Variants in CDH10 observed in about 807,000 individuals in gnomAD.
CDH10 encodes the protein cadherin-10.
CDH10 carries 30 observed loss-of-function variants against 73.1 expected under a neutral mutation model. The ratio of observed to expected loss-of-function variants is 0.41; its 90% CI spans 0.31 to 0.56. The LOEUF is 0.56. Ranked by LOEUF, CDH10 falls within the 20% of genes least tolerant of loss-of-function variation. CDH10 has a pLI of 0.27. For synonymous variants in CDH10, 345 were observed against 348.2 expected, an observed-to-expected ratio of 0.99 and a Z score of 0.10; for missense variants, 815 against 973.7, an observed-to-expected ratio of 0.84 and a Z score of 2.17.
At chr5:24,636,608 C>G (rs1747876651) in intron 1 of CDH10, among the ~76,000 whole-genome samples, 2 of 151,906 alleles carry the variant, frequency 1.3e-5, no homozygotes, top group Non-Finnish European at 2.9e-5. Flanking sequence ...GTATACCAAA[C>G]TCCCATAACA....
At chr5:24,503,719 T>A (rs911795733) in intron 8 of CDH10, among the ~76,000 whole-genome samples, 1 of 152,162 alleles carries the variant, frequency 6.6e-6, no homozygotes, top group Admixed American at 6.5e-5. Flanking sequence ...ATGATAACTT[T>A]GGACAAGTTA....
chr5:24,547,584 T>C (rs187126421), intron 2 of CDH10, among the ~76,000 whole-genome samples: 1 of 152,254 alleles, frequency 6.6e-6, no homozygotes, highest in African/African-American at 2.4e-5. Context: ...AAAAGACTTT[T>C]GTTGAATAGA....
chr5:24,556,091 A>G (rs1324744111), intron 2 of CDH10, among the ~76,000 whole-genome samples: 2 of 152,170 alleles, frequency 1.3e-5, no homozygotes. Flanking sequence ...TAAAACAAAA[A>G]TAATGCAAAT....
chr5:24,496,574 A>C (rs1474054019), intron 9 of CDH10, among the ~76,000 whole-genome samples: 1 of 152,162 alleles, frequency 6.6e-6, no homozygotes, highest in Non-Finnish European at 1.5e-5. Flanking sequence ...TTGTCACCTC[A>C]TTTTGTCCAC....
At chr5:24,626,324 T>G (rs1044218352) in intron 1 of CDH10, among the ~76,000 whole-genome samples, 1 of 152,140 alleles carries the variant, frequency 6.6e-6, no homozygotes. Context: ...CACCATTACA[T>G]AATTTGAAGC....
intron 2 of CDH10, among the ~76,000 whole-genome samples, chr5:24,551,161 T>C (rs1229689117): frequency 6.6e-6 from 1 of 152,192 alleles, no homozygotes; most frequent in African/African-American, 2.4e-5. Flanking sequence ...CTGGCCTTTC[T>C]GTTTCTTAAA....
chr5:24,590,092 T>G lies in CDH10; in HGVS notation c.231+3168A>C, dbSNP rs77463472. Among the ~76,000 whole-genome samples the G allele has an allele frequency of 9.2e-3, 1,394 of 152,114 alleles. 25 individuals carry two copies. The highest frequency in any genetic ancestry group is 0.032 in the African/African-American group (1,320 of 41,554). ...GGAAAAAGAAAGCTCTTACACTAAATATATTTTTGTTTAGAATGCATTTAA... is the reference window on the plus strand; with the variant it reads ...GGAAAAAGAAAGCTCTTACACTAAAGATATTTTTGTTTAGAATGCATTTAA... On this transcript the variant is annotated intron_variant, in intron 2 of 11. Coordinates refer to ENST00000264463, the MANE Select transcript of CDH10 (RefSeq NM_006727.5).
At chr5:24,539,995 A>G (rs1744091388) in intron 2 of CDH10, among the ~76,000 whole-genome samples, 1 of 152,036 alleles carries the variant, frequency 6.6e-6, no homozygotes, top group African/African-American at 2.4e-5. Context: ...GTAGACAGTT[A>G]TATTTATTCT....
chr5:24,582,108 T>C (rs1008642889), intron 2 of CDH10, among the ~76,000 whole-genome samples: 2 of 152,132 alleles, frequency 1.3e-5, no homozygotes, highest in African/African-American at 4.8e-5. Context: ...TCAGATTATA[T>C]ACTAATGTAC....
chr5:24,491,499 G>T (rs2111634333), intron 11 of CDH10, 77 bp downstream of exon 11: 2 of 1,330,922 alleles, frequency 1.5e-6, no homozygotes, highest in Non-Finnish European at 2.1e-6. Context: ...TTGGGGGAGG[G>T]ATTTTAATAG....
At chr5:24,510,112 A>T (rs985974215) in intron 6 of CDH10, among the ~76,000 whole-genome samples, 2 of 152,222 alleles carry the variant, frequency 1.3e-5, no homozygotes, top group African/African-American at 4.8e-5. Context: ...CATTACAAAA[A>T]ATGGGCTAAT....
At chr5:24,494,535 T>C (rs1340216621) in intron 9 of CDH10, among the ~76,000 whole-genome samples, 2 of 151,970 alleles carry the variant, frequency 1.3e-5, no homozygotes, top group East Asian at 1.9e-4. Context: ...ATAGGGCTAA[T>C]GGCCTTTGAA....
At chr5:24,587,330 T>G (rs79884623) in intron 2 of CDH10, among the ~76,000 whole-genome samples, 1 of 152,124 alleles carries the variant, frequency 6.6e-6, no homozygotes, top group African/African-American at 2.4e-5. Flanking sequence ...ATAACAAACA[T>G]CCCTCTCTTT....
intron 7 of CDH10, among the ~76,000 whole-genome samples, chr5:24,505,600 G>T (rs1038823459): frequency 6.6e-6 from 1 of 152,146 alleles, no homozygotes; most frequent in African/African-American, 2.4e-5. Context: ...TGGAAGTTCT[G>T]CTGAAGAATA....
At chr5:24,537,726 T>G (rs1291978199) in intron 2 of CDH10, 52 bp from the exon 3 acceptor site, 1 of 1,193,810 alleles carries the variant, frequency 8.4e-7, no homozygotes, top group Admixed American at 2.3e-5. Context: ...AGGTGCAGGA[T>G]GCTGAAAGAA....
In CDH10 at chr5:24,535,167, G is replaced by T; in HGVS notation, c.759C>A (p.Thr253=). The change falls in exon 5 of 12, where the codon ACC becomes ACA. Residue 253 remains threonine (T), a synonymous_variant. Coordinates refer to ENST00000264463, the MANE Select transcript of CDH10 (RefSeq NM_006727.5). The stretch of plus-strand genomic sequence containing the variant: ...CATCTGTCAGCGTGATGTTCACAGT[G>T]GTTGTCCCCGATAAGCCTCCCATCT... ...GGQMGGLSGT[T]TVNITLTDVN... 6.2e-7 allele frequency: 1 copy of T among 1,613,442 alleles called. No individual in the cohort carries two copies.
At chr5:24,571,054 T>G (rs1174877885) in intron 2 of CDH10, among the ~76,000 whole-genome samples, 2 of 152,084 alleles carry the variant, frequency 1.3e-5, no homozygotes, top group African/African-American at 2.4e-5. Context: ...TTCTTTCATT[T>G]AGAGGTTTCA....
At chr5:24,569,689 A>G (rs1745297256) in intron 2 of CDH10, among the ~76,000 whole-genome samples, 1 of 151,450 alleles carries the variant, frequency 6.6e-6, no homozygotes, top group Non-Finnish European at 1.5e-5. Context: ...TCAGATACAT[A>G]CTCTTTTTTC....
intron 1 of CDH10, among the ~76,000 whole-genome samples, chr5:24,602,761 G>A (rs1027344008): frequency 2.0e-5 from 3 of 152,092 alleles, no homozygotes; most frequent in African/African-American, 7.2e-5. Context: ...TGCAGTAGTA[G>A]ATGCTAGAGA....
Sources: allele counts gnomAD v4.1 joint callset (sites outside exome capture counted in the v4.1 genomes callset), GRCh38; gene constraint gnomAD v4.1.1; transcripts MANE v1.5; gene names NCBI Gene and HGNC (gene_info 2026-07-23, HGNC 2026-07-21).